The following C4orf51 variants were observed in gnomAD, a reference collection of about 807,000 sequenced individuals.
The protein encoded by C4orf51 is chromosome 4 open reading frame 51.
Under a neutral mutation model 25.2 loss-of-function variants are expected in C4orf51, and 25 were observed. The ratio of observed to expected loss-of-function variants is 0.99; its 90% CI spans 0.72 to 1.39. The LOEUF (loss-of-function observed/expected upper bound fraction) is 1.39. Ranked by LOEUF, C4orf51 falls within the 40% of genes most tolerant of loss-of-function variation. The pLI is 0.00. For synonymous variants in C4orf51, 100 were observed against 84.5 expected (o/e 1.18, Z -1.01); for missense variants, 252 against 239.6 (o/e 1.05, Z -0.34).
At chr4:145,694,110 G>C (rs1481548930) in intron 1 of C4orf51, among the ~76,000 whole-genome samples, 1 of 134,684 alleles carries the variant, frequency 7.4e-6, no homozygotes, top group African/African-American at 3.0e-5. Context: ...CAGATGGGGC[G>C]GCGGGGCAGA....
intron 1 of C4orf51, among the ~76,000 whole-genome samples, chr4:145,745,809 A>T (rs12649054): frequency 0.19 from 28,971 of 152,130 alleles, 3,759 homozygotes; most frequent in East Asian, 0.67. Context: ...ACTGTTCTCC[A>T]TAGTGGTTGT....
the C4orf51 span, among the ~76,000 whole-genome samples, chr4:145,778,443 T>A: frequency 6.7e-6 from 1 of 148,772 alleles, no homozygotes; most frequent in Non-Finnish European, 1.5e-5. Context: ...AACAAAAACC[T>A]TTTTTTTTTA....
the C4orf51 span, among the ~76,000 whole-genome samples, chr4:145,779,136 A>T: frequency 6.6e-6 from 1 of 152,222 alleles, no homozygotes; most frequent in Non-Finnish European, 1.5e-5. Flanking sequence ...TTACCTGAAT[A>T]AACCTAAATT....
Position 145,680,572 on chromosome 4 carries a change from C to G in C4orf51, c.233+136C>G. 2 of 649,490 alleles carry G rather than the reference C, an allele frequency of 3.1e-6. 1 individual carries two copies. Among genetic ancestry groups the G allele is most frequent in the Admixed American group, 5.8e-5 (2 of 34,630 alleles). The allele number at this position is 649,490 out of a possible 1,614,324, so 40.2% of individuals were successfully genotyped here. The stretch of plus-strand genomic sequence containing the variant: ...CTGTATTTTCTTTTGTAAATGTCAG[C>G]AGGAAGAAGAGCTAAATGTCAGTGA... On this transcript the variant is annotated intron_variant, in intron 1 of 5. Transcript: ENST00000438731.
At chr4:145,701,182 T>C (rs990499780) in intron 2 of C4orf51, among the ~76,000 whole-genome samples, 8 of 137,380 alleles carry the variant, frequency 5.8e-5, no homozygotes, top group African/African-American at 2.4e-4. Context: ...AATTAGAATC[T>C]GGCCCTCAAA....
intron 2 of C4orf51, among the ~76,000 whole-genome samples, chr4:145,704,010 G>A (rs1348037020): frequency 6.6e-6 from 1 of 152,092 alleles, no homozygotes; most frequent in African/African-American, 2.4e-5. Context: ...AATGAGTTAC[G>A]GAAACGTGTA....
chr4:145,722,313 G>A (rs1189070798), intron 2 of C4orf51, among the ~76,000 whole-genome samples: 1 of 152,144 alleles, frequency 6.6e-6, no homozygotes, highest in Non-Finnish European at 1.5e-5. Flanking sequence ...TTGCTGGAAT[G>A]TTGAGAGTAA....
At position 145,761,629 on chromosome 4, in the gene C4orf51, A is replaced by G. The variant is rs1734510629; in HGVS notation, n.167-9359A>G. ...GGGGAAAGCAACGCAAGGGAGGTTC[A>G]GCCGGGAAGGTTCGGAGGCAGCCGC... On this transcript the variant is annotated intron_variant and non_coding_transcript_variant, in intron 1 of 1. Coordinates refer to the C4orf51 transcript ENST00000510096. The surrounding 1 kb of genome is among the most constrained non-coding windows in gnomAD (Gnocchi z 6.8). 8.2e-7 allele frequency: 1 copy of G among 1,212,312 alleles called. No homozygotes were observed. Among genetic ancestry groups the G allele is most frequent in the African/African-American group, 1.6e-5 (1 of 64,370 alleles). 75.1% of individuals were successfully genotyped at this position (1,212,312 alleles called of 1,614,324 possible).
chr4:145,729,912 G>A lies in C4orf51; in HGVS notation c.448G>A (p.Ala150Thr). 6.2e-7 allele frequency: 1 copy of A among 1,613,918 alleles called. No individual in the cohort carries two copies. Among genetic ancestry groups the A allele is most frequent in the Non-Finnish European group, 8.5e-7 (1 of 1,179,816 alleles). Residue 150 changes from alanine to threonine, a missense_variant, in exon 5 of 6, where the codon GCA (alanine) becomes ACA (threonine). Coordinates refer to ENST00000438731, the MANE Select transcript of C4orf51 (RefSeq NM_001080531.3). ...GKYCVRPKKP[A>T]QEALINYSRR... is the part of the protein sequence containing the mutation. ...CCTAGGTGTGAGACCTAAAAAGCCA[G>A]CACAGGAGGCCCTGATAAACTACAG...
At position 145,747,430 on chromosome 4, in the gene C4orf51, A is replaced by G. The variant is rs548816908; in HGVS notation, n.168-6777A>G. ...CATGAAGTGGTGTTGAATTTTAACAATGCTTTTTCCGCATTAATCAAAATG... is the reference window on the plus strand; with the variant it reads ...CATGAAGTGGTGTTGAATTTTAACAGTGCTTTTTCCGCATTAATCAAAATG... On this transcript the variant is annotated intron_variant and non_coding_transcript_variant, in intron 1 of 1. Transcript: ENST00000508981. Among the ~76,000 whole-genome samples, 3 of 151,950 alleles carry G rather than the reference A, an allele frequency of 2.0e-5. No homozygotes were observed. In the South Asian group the frequency reaches 6.2e-4, roughly 32 times the overall value.
chr4:145,792,233 TC>T, the C4orf51 span, among the ~76,000 whole-genome samples: 33 of 152,274 alleles, frequency 2.2e-4, no homozygotes, highest in African/African-American at 7.5e-4. Context: ...AACACAACGT[TC>T]CTGTTGAAGA....
At chr4:145,781,643 G>GT in the C4orf51 span, among the ~76,000 whole-genome samples, 1 of 151,858 alleles carries the variant, frequency 6.6e-6, no homozygotes, top group East Asian at 1.9e-4. Flanking sequence ...GTGAAGAGAA[G>GT]TAAAAAAAAA....
chr4:145,688,138 C>T (rs1729291215), intron 1 of C4orf51, among the ~76,000 whole-genome samples: 1 of 144,948 alleles, frequency 6.9e-6, no homozygotes, highest in African/African-American at 2.6e-5. Flanking sequence ...GAGATGGAGG[C>T]TGAGGTGAGC....
chr4:145,746,789 G>A (rs1733394202), intron 1 of C4orf51, among the ~76,000 whole-genome samples: 1 of 151,856 alleles, frequency 6.6e-6, no homozygotes, highest in Non-Finnish European at 1.5e-5. Context: ...CATTGAATCT[G>A]TACATTGCTG....
chr4:145,776,967 A>G, the C4orf51 span, among the ~76,000 whole-genome samples: 53 of 152,350 alleles, frequency 3.5e-4, no homozygotes, highest in Admixed American at 2.6e-4. Flanking sequence ...CTTTGCTTTC[A>G]TCACACAGAT....
the C4orf51 span, among the ~76,000 whole-genome samples, chr4:145,776,456 G>T: frequency 2.2e-5 from 3 of 138,040 alleles, no homozygotes; most frequent in Non-Finnish European, 4.7e-5. Context: ...GATAAACCTT[G>T]TTTCAAAAAA....
rs757229816 is a variant in C4orf51 at position 145,765,759 on chromosome 4, C to G, written n.167-5229C>G. ...TTCCCCTGAAAAATAAGCAAATAAC[C>G]CAGTCTGTTAATGAGATGAAAATCC... On this transcript the variant is annotated intron_variant and non_coding_transcript_variant, in intron 1 of 1. Coordinates refer to the C4orf51 transcript ENST00000510096. The surrounding 1 kb of genome is among the most constrained non-coding windows in gnomAD (Gnocchi z 4.7). 1.9e-6 allele frequency: 3 copies of G among 1,608,874 alleles called. No homozygotes were observed. Among genetic ancestry groups the G allele is most frequent in the Non-Finnish European group, 2.5e-6 (3 of 1,177,248 alleles).
At chr4:145,790,169 A>G in the C4orf51 span, among the ~76,000 whole-genome samples, 6 of 152,228 alleles carry the variant, frequency 3.9e-5, no homozygotes, top group Non-Finnish European at 8.8e-5. Context: ...TTTAAATTCA[A>G]AAGTTATCTT....
At chr4:145,694,999 G>A (rs1470385557) in intron 1 of C4orf51, among the ~76,000 whole-genome samples, 1 of 152,192 alleles carries the variant, frequency 6.6e-6, no homozygotes, top group Non-Finnish European at 1.5e-5. Flanking sequence ...TAATGGGATT[G>A]TGGGATTACA....
Sources: allele counts gnomAD v4.1 joint callset (sites outside exome capture counted in the v4.1 genomes callset), GRCh38; gene constraint gnomAD v4.1.1; non-coding constraint Gnocchi (gnomAD v3.1); transcripts MANE v1.5; gene names NCBI Gene and HGNC (gene_info 2026-07-23, HGNC 2026-07-21).